Variants in CLSTN2 observed in about 807,000 individuals in gnomAD.
The protein encoded by CLSTN2 is calsyntenin-2.
Under a neutral mutation model 101.2 loss-of-function variants are expected in CLSTN2, and 48 were observed. That is an observed-to-expected ratio of 0.47 (90% CI 0.38 to 0.60). CLSTN2 has a LOEUF of 0.60. CLSTN2 is among the 20% of genes least tolerant of loss of function. CLSTN2 has a pLI of 0.00. For synonymous variants in CLSTN2, 481 were observed against 463.6 expected (o/e 1.04, Z -0.48); for missense variants, 1,160 against 1,238.2 (o/e 0.94, Z 0.95).
intron 2 of CLSTN2, among the ~76,000 whole-genome samples, chr3:140,343,815 G>A (rs1025683185): frequency 6.6e-6 from 1 of 152,130 alleles, no homozygotes; most frequent in African/African-American, 2.4e-5. Context: ...TGAATGTTTT[G>A]ATCCAGTGCT....
At chr3:140,365,260 T>G (rs2107952824) in intron 2 of CLSTN2, among the ~76,000 whole-genome samples, 1 of 152,038 alleles carries the variant, frequency 6.6e-6, no homozygotes, top group South Asian at 2.1e-4. Context: ...CTAAAATAGG[T>G]GGAAGCCACA....
chr3:140,359,462 C>T (rs2087705359), intron 2 of CLSTN2, among the ~76,000 whole-genome samples: 1 of 152,300 alleles, frequency 6.6e-6, no homozygotes, highest in Non-Finnish European at 1.5e-5. Context: ...TATGTGTACA[C>T]ACATTAAGAA....
intron 9 of CLSTN2, among the ~76,000 whole-genome samples, chr3:140,540,958 A>C (rs767086527): frequency 2.5e-4 from 38 of 152,202 alleles, no homozygotes; most frequent in Non-Finnish European, 4.4e-4. Flanking sequence ...GCTAAATACA[A>C]CTGTTTTTTA....
intron 8 of CLSTN2, among the ~76,000 whole-genome samples, chr3:140,484,999 G>T (rs532150966): frequency 6.6e-6 from 1 of 152,282 alleles, no homozygotes; most frequent in East Asian, 1.9e-4. Flanking sequence ...TCCATTGCTG[G>T]TGAGGAGCTG....
At chr3:139,997,504 C>T (rs1371606664) in intron 1 of CLSTN2, among the ~76,000 whole-genome samples, 3 of 152,066 alleles carry the variant, frequency 2.0e-5, no homozygotes, top group Non-Finnish European at 4.4e-5. Flanking sequence ...CATTAAAGTT[C>T]CATGTATATG....
intron 2 of CLSTN2, among the ~76,000 whole-genome samples, chr3:140,323,783 A>C (rs892764297): frequency 1.3e-5 from 2 of 152,210 alleles, no homozygotes; most frequent in Non-Finnish European, 2.9e-5. Context: ...AGGAAAATTT[A>C]TTTTCTCATT....
intron 1 of CLSTN2, among the ~76,000 whole-genome samples, chr3:140,032,476 A>C (rs1390228430): frequency 6.6e-6 from 1 of 151,960 alleles, no homozygotes; most frequent in Non-Finnish European, 1.5e-5. Flanking sequence ...AGCTGGGATT[A>C]CAGGTGCCAG....
chr3:140,056,355 C>T (rs1315788940), intron 1 of CLSTN2, among the ~76,000 whole-genome samples: 1 of 152,168 alleles, frequency 6.6e-6, no homozygotes, highest in African/African-American at 2.4e-5. Context: ...TCCTGCCAAC[C>T]CCCACTCTGG....
chr3:140,287,675 C>T (rs1370759232), intron 2 of CLSTN2, among the ~76,000 whole-genome samples: 1 of 152,038 alleles, frequency 6.6e-6, no homozygotes, highest in East Asian at 1.9e-4. Flanking sequence ...TGTAAATTCA[C>T]ATAATTCTCT....
intron 1 of CLSTN2, among the ~76,000 whole-genome samples, chr3:140,041,248 A>G (rs2007756665): frequency 1.3e-5 from 2 of 152,224 alleles, no homozygotes; most frequent in Non-Finnish European, 2.9e-5. Context: ...AAATAAAGGA[A>G]GGTCACTTGG....
chr3:140,201,666 T>C (rs2010718903), intron 2 of CLSTN2, among the ~76,000 whole-genome samples: 1 of 152,178 alleles, frequency 6.6e-6, no homozygotes, highest in Non-Finnish European at 1.5e-5. Flanking sequence ...TGTGCTAAGC[T>C]CTGTTCTAGA....
chr3:140,482,418 GTC>G, intron 8 of CLSTN2, among the ~76,000 whole-genome samples: 1 of 152,106 alleles, frequency 6.6e-6, no homozygotes, highest in South Asian at 2.1e-4. Context: ...TGTTTGTTGT[GTC>G]TCTGCCAGGC....
At chr3:140,123,519 C>A (rs370911861) in intron 1 of CLSTN2, among the ~76,000 whole-genome samples, 16 of 152,096 alleles carry the variant, frequency 1.1e-4, no homozygotes, top group Admixed American at 7.9e-4. Flanking sequence ...TGCGGGATAC[C>A]TCAGAGGTCA....
At chr3:140,345,361 G>A (rs1325807080) in intron 2 of CLSTN2, among the ~76,000 whole-genome samples, 1 of 150,492 alleles carries the variant, frequency 6.6e-6, no homozygotes, top group Non-Finnish European at 1.5e-5. Flanking sequence ...CGATTCTCCT[G>A]CCTCAGCCTC....
At chr3:140,102,881 CCAACCCTTCTGACCCTCAGTTTTCT>C (rs1173354838) in intron 1 of CLSTN2, among the ~76,000 whole-genome samples, 28 of 152,202 alleles carry the variant, frequency 1.8e-4, no homozygotes, top group Middle Eastern at 3.4e-3. Context: ...AGCAATTTAC[CCAACCCTTCTGACCCTCAGTTTTCT>C]CAACCCTTCT....
chr3:140,102,063 A>G (rs950427486), intron 1 of CLSTN2, among the ~76,000 whole-genome samples: 1 of 152,204 alleles, frequency 6.6e-6, no homozygotes, highest in African/African-American at 2.4e-5. Flanking sequence ...TCTTGATGAA[A>G]GAGGCCATTT....
intron 1 of CLSTN2, among the ~76,000 whole-genome samples, chr3:139,985,717 T>C (rs1936011684): frequency 6.6e-6 from 1 of 152,150 alleles, no homozygotes; most frequent in Non-Finnish European, 1.5e-5. Flanking sequence ...AATTGAATCT[T>C]GGTTGCTCTG....
At chr3:140,348,366 C>T (rs906924459) in intron 2 of CLSTN2, among the ~76,000 whole-genome samples, 1 of 152,150 alleles carries the variant, frequency 6.6e-6, no homozygotes, top group Non-Finnish European at 1.5e-5. Flanking sequence ...TTGCTCTGAT[C>T]GCCCTTATAT....
chr3:140,001,416 A>G (rs769885586), intron 1 of CLSTN2, among the ~76,000 whole-genome samples: 1 of 151,704 alleles, frequency 6.6e-6, no homozygotes, highest in African/African-American at 2.4e-5. Flanking sequence ...TTTTTTTGTA[A>G]GTTCTAGTTT....
Sources: gnomAD v4.1 joint callset for allele counts (sites outside exome capture counted in the v4.1 genomes callset) on GRCh38, gnomAD v4.1.1 for gene constraint, MANE v1.5 for transcripts, NCBI Gene and HGNC (gene_info 2026-07-23, HGNC 2026-07-21) for gene names.